The following LAMC3 variants were observed in gnomAD, a reference collection of about 807,000 sequenced individuals.
The protein encoded by LAMC3 is laminin subunit gamma-3.
A neutral mutation model predicts 173.8 loss-of-function variants in LAMC3; 128 were observed. The observed-to-expected ratio is 0.74, with a 90% CI of 0.64 to 0.85. The LOEUF (loss-of-function observed/expected upper bound fraction) is 0.85. Ranked by LOEUF, LAMC3 falls within the 40% of genes least tolerant of loss-of-function variation. The pLI, the probability that LAMC3 is intolerant of heterozygous loss-of-function variation, is 0.00. For missense variants in LAMC3, 2,022 were observed against 2,156.0 expected (o/e 0.94, Z 1.23); for synonymous variants, 897 against 909.1 (o/e 0.99, Z 0.24).
rs1833833789 is a variant in LAMC3 at position 131,032,065 on chromosome 9, ACTC to A, written c.703_705del (p.Leu235del). 6.2e-7 allele frequency: 1 copy of A among 1,613,260 alleles called. No homozygotes were observed. Among genetic ancestry groups the A allele is most frequent in the Non-Finnish European group, 8.5e-7 (1 of 1,179,772 alleles). On this transcript the variant is annotated inframe_deletion, in exon 3 of 28. Coordinates refer to ENST00000361069, the MANE Select transcript of LAMC3 (RefSeq NM_006059.4). ...CCCAGGAGTGGGTCACCAGCACCGA[ACTC>A]CTCATCTCTCTAGACCGGCTCAACA... is the stretch of plus-strand genomic sequence containing the variant.
At position 131,026,964 on chromosome 9, in the gene LAMC3, G is replaced by A. The variant is rs539295733; in HGVS notation, c.678+375G>A. On this transcript the variant is annotated intron_variant, in intron 2 of 27. Transcript: ENST00000361069. The surrounding 1 kb of genome is among the most constrained non-coding windows in gnomAD (Gnocchi z 4.8). ...TGACATTAAGCGATCCACCTGCCTC[G>A]GCCTCCCAAAGTGCTGGGATTACAG... 2.6e-5 allele frequency among the ~76,000 whole-genome samples: 4 copies of A among 152,208 alleles called. No individual in the cohort carries two copies. The highest frequency in any genetic ancestry group is 1.9e-4 in the East Asian group (1 of 5,178).
intron 12 of LAMC3, among the ~76,000 whole-genome samples, chr9:131,059,221 G>A (rs1588156175): frequency 3.5e-5 from 5 of 143,348 alleles, no homozygotes; most frequent in Admixed American, 3.5e-4. Context: ...GGCCGGGCAC[G>A]GTGGCTCACG....
Position 131,049,107 on chromosome 9 carries a change from A to G in LAMC3, c.1607A>G (p.Asp536Gly), listed in dbSNP as rs1222328509. Residue 536 changes from aspartate (D) to glycine (G), a missense_variant, in exon 9 of 28, where the codon GAC (aspartate) becomes GGC (glycine). Coordinates refer to ENST00000361069, the MANE Select transcript of LAMC3 (RefSeq NM_006059.4). ...SPNGVLLSPE[D>G]EEELTAPEKF... ...AATGGGGTCCTCCTGAGCCCAGAAG[A>G]CGAGGAGGAGCTCACAGCACCAGGT... 6.4e-7 allele frequency: 1 copy of G among 1,551,178 alleles called. No homozygotes were observed. Among genetic ancestry groups the G allele is most frequent in the Non-Finnish European group, 8.7e-7 (1 of 1,146,290 alleles).
intron 2 of LAMC3, among the ~76,000 whole-genome samples, chr9:131,027,021 A>G (rs1326739841): frequency 2.0e-5 from 3 of 152,176 alleles, no homozygotes; most frequent in Non-Finnish European, 4.4e-5. Flanking sequence ...CCCAAACCCC[A>G]TGGTTTTCAA....
chr9:131,075,975 C>T lies in LAMC3; in HGVS notation c.3629+10C>T. On this transcript the variant is annotated intron_variant, in intron 21 of 27. Transcript: ENST00000361069. ...GGGACCTGGAGGACAGGTGAGGCCT[C>T]CCCAGGTGTGGGTAGAAACTTTGGG... 6.3e-7 allele frequency: 1 copy of T among 1,599,654 alleles called. No homozygotes were observed.
chr9:131,045,464 C>T, intron 7 of LAMC3, 60 bp from the exon 8 acceptor site: 1 of 1,602,302 alleles, frequency 6.2e-7, no homozygotes, highest in South Asian at 1.1e-5. Context: ...GATACCCTGG[C>T]CCCGCCCCTT....
At chr9:131,013,430 C>T (rs73658906) in intron 1 of LAMC3, among the ~76,000 whole-genome samples, 10,157 of 152,206 alleles carry the variant, frequency 0.067, 1,155 homozygotes, top group African/African-American at 0.23. Flanking sequence ...CTCCCTCCCC[C>T]GCAGGTCCCG....
intron 11 of LAMC3, among the ~76,000 whole-genome samples, chr9:131,056,400 C>T (rs930579909): frequency 4.0e-5 from 6 of 151,566 alleles, no homozygotes; most frequent in African/African-American, 1.5e-4. Context: ...CGTTAATAAC[C>T]TGTGGATGGA....
intron 3 of LAMC3, among the ~76,000 whole-genome samples, chr9:131,034,399 C>T (rs1342939428): frequency 6.6e-6 from 1 of 152,242 alleles, no homozygotes; most frequent in Non-Finnish European, 1.5e-5. Context: ...GTGCTACGTG[C>T]CCTACCACAC....
intron 1 of LAMC3, among the ~76,000 whole-genome samples, chr9:131,011,914 T>G (rs1160032266): frequency 6.6e-6 from 1 of 152,088 alleles, no homozygotes; most frequent in Non-Finnish European, 1.5e-5. Context: ...TTACTGTGCA[T>G]CTACTGTGTG....
chr9:131,047,427 A>G (rs76836019), intron 8 of LAMC3, among the ~76,000 whole-genome samples: 1 of 150,980 alleles, frequency 6.6e-6, no homozygotes, highest in Non-Finnish European at 1.5e-5. Flanking sequence ...TCAGCCTCCC[A>G]GAGTGCTGGG....
chr9:131,036,450 CG>C, intron 4 of LAMC3, 118 bp downstream of exon 4: 1 of 1,144,368 alleles, frequency 8.7e-7, no homozygotes, highest in South Asian at 1.3e-5. Context: ...GGGGGCAGCT[CG>C]GGGTCTCTGT....
intron 1 of LAMC3, among the ~76,000 whole-genome samples, chr9:131,021,686 C>T (rs931957607): frequency 6.6e-6 from 1 of 152,148 alleles, no homozygotes; most frequent in Non-Finnish European, 1.5e-5. Context: ...AGGGCTCAGT[C>T]CCCAAGGCTG....
intron 17 of LAMC3, among the ~76,000 whole-genome samples, chr9:131,070,957 C>CA (rs1417341152): frequency 6.6e-6 from 1 of 152,142 alleles, no homozygotes; most frequent in African/African-American, 2.4e-5. Flanking sequence ...GAATGGAGGA[C>CA]AGGGCCCAGG....
In LAMC3 at chr9:131,072,722, C is replaced by T. The variant is rs779959565; in HGVS notation, c.3304C>T (p.Arg1102Cys). ...GCTGCAGAGGCTGAACAAGGGTGCC[C>T]GCTGTGCCCAGGCCGGATCCCAGAA... ...EQLQRLNKGA[R>C]CAQAGSQKTC... The change falls in exon 19 of 28, where the codon CGC becomes TGC. Residue 1102 changes from arginine to cysteine, a missense_variant. By Grantham distance (180) the Arg-to-Cys change is radical (BLOSUM62 -3). Transcript: ENST00000361069. 15 of 1,612,290 alleles carry T rather than the reference C, an allele frequency of 9.3e-6. No homozygotes were observed. In the East Asian group the frequency reaches 1.3e-4, roughly 14 times the overall value.
At chr9:131,035,756 C>T (rs1833932220) in intron 3 of LAMC3, among the ~76,000 whole-genome samples, 1 of 152,166 alleles carries the variant, frequency 6.6e-6, no homozygotes, top group African/African-American at 2.4e-5. Flanking sequence ...GCCTTCCACA[C>T]CTATTGCTGG....
At chr9:131,073,188 G>T (rs1407948106) in intron 19 of LAMC3, 57 bp from the exon 20 acceptor site, 35 of 1,303,568 alleles carry the variant, frequency 2.7e-5, no homozygotes, top group Non-Finnish European at 3.8e-5. Flanking sequence ...ACCAGATGTG[G>T]CCCTTACCCT....
intron 3 of LAMC3, among the ~76,000 whole-genome samples, chr9:131,035,321 A>C (rs548451989): frequency 6.6e-6 from 1 of 152,230 alleles, no homozygotes; most frequent in Non-Finnish European, 1.5e-5. Context: ...TGGTGCTGGC[A>C]TCTGCTTGGC....
rs1833357192 is a variant in LAMC3, at chr9:131,009,263, G to A, written c.49G>A (p.Ala17Thr). 9.2e-6 allele frequency: 12 copies of A among 1,302,572 alleles called. No individual in the cohort carries two copies. Among genetic ancestry groups the A allele is most frequent in the Non-Finnish European group, 1.2e-5 (12 of 1,030,826 alleles). 80.7% of individuals were successfully genotyped at this position (1,302,572 alleles called of 1,614,324 possible). The change falls in exon 1 of 28, where the codon GCG (alanine) becomes ACG (threonine). Residue 17 changes from alanine to threonine, a missense_variant. By Grantham distance (58) the Ala-to-Thr change is moderately conservative. Transcript: ENST00000361069. This position sits in a 1 kb window ranked among gnomAD's most constrained non-coding sequence, Gnocchi z 4.3. The stretch of plus-strand genomic sequence containing the variant: ...GGGGCTGGCGCTGCTGGCACCGCGG[G>A]CGGCCGGCGCGGGCATGGGCGCGTG... ...LLGLALLAPRAAGAGMGACYD... is the reference protein window; with the variant it reads ...LLGLALLAPRTAGAGMGACYD...
Sources: gnomAD v4.1 joint callset for allele counts (sites outside exome capture counted in the v4.1 genomes callset) on GRCh38, gnomAD v4.1.1 for gene constraint, Gnocchi (gnomAD v3.1) non-coding constraint, MANE v1.5 for transcripts, NCBI Gene and HGNC (gene_info 2026-07-23, HGNC 2026-07-21) for gene names.